Variants in PTPRK observed in about 807,000 individuals in gnomAD.
PTPRK encodes receptor-type tyrosine-protein phosphatase kappa.
PTPRK carries 75 observed loss-of-function variants against 178.0 expected under a neutral mutation model. That is an observed-to-expected ratio of 0.42 (90% CI 0.35 to 0.51). PTPRK has a LOEUF of 0.51. Among genes scored for constraint, PTPRK ranks in the 20% least tolerant of loss-of-function variants. PTPRK has a pLI of 0.02. For missense variants in PTPRK, 1,441 were observed against 1,797.8 expected (o/e 0.80, Z 3.59); for synonymous variants, 637 against 620.6 (o/e 1.03, Z -0.39).
intron 3 of PTPRK, among the ~76,000 whole-genome samples, chr6:128,245,186 C>G (rs1815228619): frequency 6.6e-6 from 1 of 152,128 alleles, no homozygotes; most frequent in South Asian, 2.1e-4. Flanking sequence ...CAAAAGCTAA[C>G]AAGTGGTGAA....
At chr6:128,358,360 A>T (rs1425134801) in intron 2 of PTPRK, among the ~76,000 whole-genome samples, 1 of 152,166 alleles carries the variant, frequency 6.6e-6, no homozygotes, top group Non-Finnish European at 1.5e-5. Context: ...TCAGTTCACC[A>T]TGGGTCATGG....
chr6:128,091,188 T>G (rs1443287964), intron 7 of PTPRK, among the ~76,000 whole-genome samples: 1 of 152,232 alleles, frequency 6.6e-6, no homozygotes, highest in Non-Finnish European at 1.5e-5. Flanking sequence ...CGGTAGAATC[T>G]AATGCTTAGG....
chr6:128,492,572 G>A (rs1460177108), intron 1 of PTPRK, among the ~76,000 whole-genome samples: 1 of 152,074 alleles, frequency 6.6e-6, no homozygotes, highest in Non-Finnish European at 1.5e-5. Flanking sequence ...GTAACATGGA[G>A]ACACAATAAT....
chr6:128,351,927 A>T (rs565096660), intron 2 of PTPRK, among the ~76,000 whole-genome samples: 1 of 151,976 alleles, frequency 6.6e-6, no homozygotes, highest in Non-Finnish European at 1.5e-5. Flanking sequence ...ACATTTTTCT[A>T]TTGGGCCTTC....
chr6:128,107,030 G>C (rs955826056), intron 7 of PTPRK, among the ~76,000 whole-genome samples: 17 of 151,950 alleles, frequency 1.1e-4, no homozygotes, highest in South Asian at 6.2e-4. Flanking sequence ...CTAATTTTTG[G>C]ATTGTTCTGA....
intron 3 of PTPRK, among the ~76,000 whole-genome samples, chr6:128,299,230 C>A (rs557682051): frequency 6.6e-6 from 1 of 151,858 alleles, no homozygotes; most frequent in East Asian, 1.9e-4. Flanking sequence ...AGGATACAAA[C>A]AAATGGAAGA....
At chr6:128,367,332 T>C (rs1835648172) in intron 2 of PTPRK, among the ~76,000 whole-genome samples, 1 of 152,102 alleles carries the variant, frequency 6.6e-6, no homozygotes. Flanking sequence ...CAGCATTTAC[T>C]TAAAGAGAGA....
chr6:128,307,687 A>T (rs889988316), intron 3 of PTPRK, among the ~76,000 whole-genome samples: 1 of 152,172 alleles, frequency 6.6e-6, no homozygotes, highest in African/African-American at 2.4e-5. Context: ...AAAGAAACAC[A>T]AATATCAGAT....
At chr6:128,347,161 A>C in intron 2 of PTPRK, among the ~76,000 whole-genome samples, 1 of 152,258 alleles carries the variant, frequency 6.6e-6, no homozygotes, top group East Asian at 1.9e-4. Context: ...ACAATAATAC[A>C]AATTTCTATT....
chr6:128,001,968 T>C (rs1209981615), intron 15 of PTPRK, among the ~76,000 whole-genome samples: 1 of 151,870 alleles, frequency 6.6e-6, no homozygotes, highest in Non-Finnish European at 1.5e-5. Context: ...CCAGTGATCA[T>C]GATTTATGGC....
intron 1 of PTPRK, among the ~76,000 whole-genome samples, chr6:128,492,895 T>C (rs1244956742): frequency 1.3e-5 from 2 of 152,334 alleles, no homozygotes; most frequent in Admixed American, 6.5e-5. Context: ...TTCTCTTGGA[T>C]AGCCCCCTTG....
At chr6:128,212,544 G>A (rs1245639727) in intron 6 of PTPRK, among the ~76,000 whole-genome samples, 1 of 152,014 alleles carries the variant, frequency 6.6e-6, no homozygotes, top group Non-Finnish European at 1.5e-5. Flanking sequence ...CAAGAGAAGA[G>A]AATTGAAACT....
intron 2 of PTPRK, among the ~76,000 whole-genome samples, chr6:128,327,373 C>T (rs1829720019): frequency 6.6e-6 from 1 of 151,932 alleles, no homozygotes; most frequent in South Asian, 2.1e-4. Flanking sequence ...TTGAATGTGC[C>T]CTATAAACTA....
intron 2 of PTPRK, among the ~76,000 whole-genome samples, chr6:128,345,743 A>T (rs1324394567): frequency 6.6e-6 from 1 of 152,234 alleles, no homozygotes; most frequent in Admixed American, 6.5e-5. Flanking sequence ...AGGAGAATAT[A>T]TACTACATGC....
chr6:128,047,516 G>A (rs976466162), intron 13 of PTPRK, among the ~76,000 whole-genome samples: 33 of 152,138 alleles, frequency 2.2e-4, no homozygotes, highest in Non-Finnish European at 4.4e-4. Flanking sequence ...GTCTGTTACT[G>A]ATTTCCAGCT....
At chr6:128,373,223 TG>T (rs1340246122) in intron 2 of PTPRK, among the ~76,000 whole-genome samples, 11 of 152,224 alleles carry the variant, frequency 7.2e-5, no homozygotes, top group Admixed American at 7.2e-4. Flanking sequence ...TCCTTGGACT[TG>T]ACTCTTTGCA....
intron 1 of PTPRK, among the ~76,000 whole-genome samples, chr6:128,402,271 G>A (rs1235835191): frequency 6.6e-6 from 1 of 151,966 alleles, no homozygotes; most frequent in Non-Finnish European, 1.5e-5. Context: ...TTTTGTTTTT[G>A]TTTAGAGATG....
chr6:128,070,992 G>A (rs1782724212), intron 11 of PTPRK, among the ~76,000 whole-genome samples: 1 of 151,344 alleles, frequency 6.6e-6, no homozygotes. Context: ...AAAATCCCGA[G>A]CATTATTTGA....
chr6:128,377,685 C>T (rs1185637185), intron 2 of PTPRK, among the ~76,000 whole-genome samples: 1 of 150,640 alleles, frequency 6.6e-6, no homozygotes, highest in African/African-American at 2.4e-5. Context: ...AAGTGATCAA[C>T]TTCATTAAAG....
Sources: gnomAD v4.1 joint callset for allele counts (sites outside exome capture counted in the v4.1 genomes callset) on GRCh38, gnomAD v4.1.1 for gene constraint, MANE v1.5 for transcripts, NCBI Gene and HGNC (gene_info 2026-07-23, HGNC 2026-07-21) for gene names.